MTMR3: variants seen among roughly 807,000 people sequenced by gnomAD.
MTMR3 encodes phosphatidylinositol-3,5-bisphosphate 3-phosphatase MTMR3.
MTMR3 carries 32 observed loss-of-function variants against 132.4 expected under a neutral mutation model. The observed-to-expected ratio is 0.24, with a 90% CI of 0.18 to 0.32. MTMR3 has a LOEUF of 0.32. Among genes scored for constraint, MTMR3 ranks in the 10% least tolerant of loss-of-function variants. The pLI is 1.00. For missense variants in MTMR3, 1,216 were observed against 1,489.6 expected, an observed-to-expected ratio of 0.82 and a Z score of 3.02; for synonymous variants, 556 against 550.3, an observed-to-expected ratio of 1.01 and a Z score of -0.14.
intron 1 of MTMR3, among the ~76,000 whole-genome samples, chr22:29,939,904 G>T (rs575794523): frequency 2.6e-4 from 39 of 152,146 alleles, no homozygotes; most frequent in Non-Finnish European, 5.7e-4. Context: ...ATCTGTTCCT[G>T]CCCCACCCTA....
At chr22:29,987,273 G>T (rs2017677) in intron 5 of MTMR3, 1 of 152,106 alleles carries the variant, frequency 6.6e-6, no homozygotes, top group Non-Finnish European at 1.5e-5. Context: ...TGAGAGTTCT[G>T]TGCTGACTGG....
At chr22:29,981,537 A>G (rs1341809255) in intron 5 of MTMR3, 2 of 152,202 alleles carry the variant, frequency 1.3e-5, no homozygotes, top group Non-Finnish European at 1.5e-5. Context: ...CATGTTACTT[A>G]AAAAGCCCAG....
At chr22:29,913,783 G>A (rs762675482) in intron 1 of MTMR3, among the ~76,000 whole-genome samples, 4 of 151,182 alleles carry the variant, frequency 2.6e-5, no homozygotes, top group Non-Finnish European at 4.4e-5. Flanking sequence ...ACGGAGTCTC[G>A]CTCTGTCGCC....
At chr22:29,925,406 A>G (rs1000538636) in intron 1 of MTMR3, among the ~76,000 whole-genome samples, 2 of 152,192 alleles carry the variant, frequency 1.3e-5, no homozygotes, top group African/African-American at 4.8e-5. Flanking sequence ...TAGCTTGCAA[A>G]CAGCCTAACC....
At chr22:30,012,162 A>G (rs2067448515) in intron 12 of MTMR3, 1 of 519,036 alleles carries the variant, frequency 1.9e-6, no homozygotes, top group African/African-American at 2.0e-5. Flanking sequence ...TGTAGCCCCT[A>G]TTTCTAAGGC....
At chr22:29,945,271 G>T (rs36607) in intron 1 of MTMR3, among the ~76,000 whole-genome samples, 119,002 of 152,142 alleles carry the variant, frequency 0.78, 46,971 homozygotes, top group East Asian at 0.91. Context: ...TCTTAAAGTG[G>T]TGGAATTACA....
At chr22:30,005,678 A>G (rs1302636253) in intron 9 of MTMR3, 1 of 152,242 alleles carries the variant, frequency 6.6e-6, no homozygotes, top group Non-Finnish European at 1.5e-5. Context: ...TTTAAAAACT[A>G]CAAGCAAACT....
intron 1 of MTMR3, among the ~76,000 whole-genome samples, chr22:29,929,154 G>A (rs1183978026): frequency 6.6e-6 from 1 of 151,942 alleles, no homozygotes; most frequent in African/African-American, 2.4e-5. Flanking sequence ...GGTGGCGTGT[G>A]CCTGTAATCC....
At chr22:30,009,246 C>G in intron 12 of MTMR3, 117 bp downstream of exon 12, 1 of 714,708 alleles carries the variant, frequency 1.4e-6, no homozygotes, top group Non-Finnish European at 2.4e-6. Context: ...GTCTTTCCTT[C>G]TGTTTCTTGG....
chr22:29,921,761 A>T (rs1207928870), intron 1 of MTMR3, among the ~76,000 whole-genome samples: 3 of 151,952 alleles, frequency 2.0e-5, no homozygotes, highest in African/African-American at 7.3e-5. Flanking sequence ...ATACCTCCAT[A>T]TAAGTGAAAT....
chr22:29,907,382 C>T (rs2065123956), intron 1 of MTMR3, among the ~76,000 whole-genome samples: 1 of 151,688 alleles, frequency 6.6e-6, no homozygotes, highest in African/African-American at 2.4e-5. Context: ...AGCTGGGTGA[C>T]AGAGCAAGAC....
intron 3 of MTMR3, among the ~76,000 whole-genome samples, chr22:29,974,845 T>C (rs770083151): frequency 6.6e-6 from 1 of 151,962 alleles, no homozygotes; most frequent in Admixed American, 6.5e-5. Flanking sequence ...TGAGAAGTTA[T>C]GTTAAAAGTA....
rs891042359 is a variant in MTMR3, at chr22:30,026,429, T to C, written c.*628T>C. On this transcript the variant is annotated 3_prime_UTR_variant, in exon 20 of 20. Coordinates refer to ENST00000401950, the MANE Select transcript of MTMR3 (RefSeq NM_021090.4). ...GGTAAATGGCATCCCCTTAGGCGCC[T>C]CTTTGGGAAAGGAAAGTGGATGCTC... 1 of 152,446 alleles carries C rather than the reference T, an allele frequency of 6.6e-6. No homozygotes were observed. Among genetic ancestry groups the C allele is most frequent in the Non-Finnish European group, 1.5e-5 (1 of 68,150 alleles). 9.4% of individuals were successfully genotyped at this position (152,446 alleles called of 1,614,324 possible).
At chr22:29,940,458 A>G (rs2065836493) in intron 1 of MTMR3, among the ~76,000 whole-genome samples, 1 of 149,934 alleles carries the variant, frequency 6.7e-6, no homozygotes, top group African/African-American at 2.5e-5. Context: ...AGGTGAAACA[A>G]ACAGCCTTGT....
chr22:30,019,314 A>G, intron 16 of MTMR3, 166 bp from the exon 17 acceptor site: 1 of 650,514 alleles, frequency 1.5e-6, no homozygotes. Context: ...CTTGTTCCGG[A>G]GCTTTGCTGC....
chr22:30,013,263 T>G, intron 13 of MTMR3, 93 bp from the exon 14 acceptor site: 1 of 1,361,186 alleles, frequency 7.3e-7, no homozygotes, highest in South Asian at 1.4e-5. Flanking sequence ...TGGGAGGCTG[T>G]TAGAGGGGAT....
intron 1 of MTMR3, among the ~76,000 whole-genome samples, chr22:29,956,331 C>T (rs1178117844): frequency 6.6e-5 from 10 of 152,070 alleles, no homozygotes; most frequent in Admixed American, 6.6e-4. Context: ...ACTGAAACCT[C>T]CACGTCTCGT....
Position 30,009,094 on chromosome 22 carries a change from G to T in MTMR3, c.1086G>T (p.Leu362=), listed in dbSNP as rs771125357. ...CTATTCGGAGGAGTTTTCAGTCTCTGCGGTTGCTGTGCACTCAGATGCCAG... is the reference window on the plus strand; with the variant it reads ...CTATTCGGAGGAGTTTTCAGTCTCTTCGGTTGCTGTGCACTCAGATGCCAG... ...IHSIRRSFQS[L]RLLCTQMPDP... is the part of the protein sequence containing the mutation. The change falls in exon 12 of 20, where the codon CTG becomes CTT. Residue 362 remains leucine (L), a synonymous_variant. Coordinates refer to ENST00000401950, the MANE Select transcript of MTMR3 (RefSeq NM_021090.4). 3 of 1,613,638 alleles carry T rather than the reference G, an allele frequency of 1.9e-6. No individual in the cohort carries two copies. The East Asian group carries it at 6.7e-5, about 36-fold the overall frequency.
chr22:29,982,975 G>GTGTGTGTT (rs1730006768), intron 5 of MTMR3: 1 of 143,632 alleles, frequency 7.0e-6, no homozygotes, highest in Non-Finnish European at 1.6e-5. Context: ...GTGTGTGTGT[G>GTGTGTGTT]TATGTGTTTG....
Sources: allele counts gnomAD v4.1 joint callset (sites outside exome capture counted in the v4.1 genomes callset), GRCh38; gene constraint gnomAD v4.1.1; transcripts MANE v1.5; gene names NCBI Gene and HGNC (gene_info 2026-07-23, HGNC 2026-07-21).